ANKRD6: variants seen among roughly 807,000 people sequenced by gnomAD.
ANKRD6 encodes ankyrin repeat domain-containing protein 6.
In ANKRD6, 56 loss-of-function variants were observed where a neutral mutation model predicts 82.3. That is an observed-to-expected ratio of 0.68 (90% CI 0.55 to 0.85). The LOEUF (loss-of-function observed/expected upper bound fraction) is 0.85, where lower values mean the gene tolerates loss of function less well. Among genes scored for constraint, ANKRD6 ranks in the 40% least tolerant of loss-of-function variants. The pLI is 0.00. For synonymous variants in ANKRD6, 347 were observed against 352.1 expected, an observed-to-expected ratio of 0.99 and a Z score of 0.16; for missense variants, 852 against 907.6, an observed-to-expected ratio of 0.94 and a Z score of 0.79.
chr6:89,557,837 A>G (rs1187233589), intron 1 of ANKRD6, among the ~76,000 whole-genome samples: 1 of 152,028 alleles, frequency 6.6e-6, no homozygotes, highest in Non-Finnish European at 1.5e-5. Context: ...CTGCACATGT[A>G]AGGGATCTGG....
intron 1 of ANKRD6, among the ~76,000 whole-genome samples, chr6:89,545,655 C>T (rs1784998851): frequency 6.6e-6 from 1 of 152,108 alleles, no homozygotes; most frequent in African/African-American, 2.4e-5. Context: ...GTTTTTCAAA[C>T]CCCAAAAGAT....
chr6:89,616,545 C>G lies in ANKRD6; in HGVS notation c.616-14C>G, dbSNP rs1563087526. ...GAGCAGATGAGGTTTAGCAGACCTTCTAATCAATTCCAGGCTGGAGACACA... is the reference window on the plus strand; with the variant it reads ...GAGCAGATGAGGTTTAGCAGACCTTGTAATCAATTCCAGGCTGGAGACACA... On this transcript the variant is annotated splice_polypyrimidine_tract_variant and intron_variant, in intron 7 of 15. Coordinates refer to ENST00000339746, the MANE Select transcript of ANKRD6 (RefSeq NM_001242809.2). The G allele has an allele frequency of 6.2e-7, 1 of 1,613,762 alleles. No individual in the cohort carries two copies. Among genetic ancestry groups the G allele is most frequent in the Non-Finnish European group, 8.5e-7 (1 of 1,179,652 alleles).
At chr6:89,442,628 C>T (rs796563426) in intron 1 of ANKRD6, among the ~76,000 whole-genome samples, 21 of 124,028 alleles carry the variant, frequency 1.7e-4, no homozygotes, top group African/African-American at 6.5e-4. Context: ...CAGAGCAAAA[C>T]CCTGTCTCAA....
intron 6 of ANKRD6, among the ~76,000 whole-genome samples, chr6:89,613,062 T>C (rs1800621270): frequency 1.3e-5 from 2 of 152,220 alleles, no homozygotes; most frequent in African/African-American, 4.8e-5. Flanking sequence ...AAGTGGCCAG[T>C]GTTCTCCAGA....
At chr6:89,574,775 C>T (rs748332725) in intron 2 of ANKRD6, among the ~76,000 whole-genome samples, 10 of 152,208 alleles carry the variant, frequency 6.6e-5, no homozygotes, top group Non-Finnish European at 1.3e-4. Context: ...GACTCAAACC[C>T]TGGCCATGTG....
rs1771121005 is a variant in ANKRD6, at chr6:89,439,713, TTCCGAG to T, written c.-144+6339_-144+6344del. Reference sequence around the variant, plus strand: ...AATCCTAATTTTCTTTTTTTTCTTTTTCCGAGACAGGGTCTCATTCTGTCACCCAGG... The same window carrying T: ...AATCCTAATTTTCTTTTTTTTCTTTTACAGGGTCTCATTCTGTCACCCAGG... On this transcript the variant is annotated intron_variant, in intron 1 of 15. Coordinates refer to ENST00000339746, the MANE Select transcript of ANKRD6 (RefSeq NM_001242809.2). 2.6e-5 allele frequency among the ~76,000 whole-genome samples: 4 copies of T among 152,308 alleles called. No individual in the cohort carries two copies. The South Asian group carries it at 8.3e-4, about 32-fold the overall frequency.
At position 89,609,592 on chromosome 6, in the gene ANKRD6, G is replaced by A. The variant is rs188044994; in HGVS notation, c.418-2680G>A. On this transcript the variant is annotated intron_variant, in intron 5 of 15. Transcript: ENST00000339746. ...GCTGGGATTACAGGAGTGAGCCACC[G>A]AACCCGGCCTGTAATCACCACGTTT... Among the ~76,000 whole-genome samples the A allele has an allele frequency of 8.1e-3, 1,223 of 151,486 alleles. 8 individuals carry two copies. Among genetic ancestry groups the A allele is most frequent in the Non-Finnish European group, 0.014 (946 of 67,890 alleles).
At chr6:89,579,781 C>G (rs1204837568) in intron 2 of ANKRD6, among the ~76,000 whole-genome samples, 1 of 68,944 alleles carries the variant, frequency 1.5e-5, no homozygotes, top group South Asian at 4.6e-4. Context: ...AAAAAAAAGG[C>G]TAAATGAGAT....
chr6:89,536,302 T>A (rs1783822933), intron 1 of ANKRD6, among the ~76,000 whole-genome samples: 1 of 152,350 alleles, frequency 6.6e-6, no homozygotes, highest in South Asian at 2.1e-4. Flanking sequence ...ATTAGCACTC[T>A]TGCTGGGTCC....
At chr6:89,513,451 A>G (rs1780809261) in intron 1 of ANKRD6, among the ~76,000 whole-genome samples, 3 of 152,166 alleles carry the variant, frequency 2.0e-5, no homozygotes, top group South Asian at 4.1e-4. Flanking sequence ...TCTGAATTCT[A>G]TATAAGGAGA....
At chr6:89,542,448 T>G (rs1376201468) in intron 1 of ANKRD6, among the ~76,000 whole-genome samples, 2 of 152,184 alleles carry the variant, frequency 1.3e-5, no homozygotes, top group African/African-American at 4.8e-5. Flanking sequence ...CTATGCTTAT[T>G]TACATCTATG....
intron 4 of ANKRD6, among the ~76,000 whole-genome samples, chr6:89,605,537 C>A (rs1234991114): frequency 6.6e-6 from 1 of 152,170 alleles, no homozygotes; most frequent in Non-Finnish European, 1.5e-5. Flanking sequence ...ATCGATCAGG[C>A]CCCTGAATCT....
Position 89,600,727 on chromosome 6 carries a change from C to T in ANKRD6, c.220-2302C>T, listed in dbSNP as rs117129116. Among the ~76,000 whole-genome samples the T allele has an allele frequency of 6.7e-3, 1,020 of 152,192 alleles. 31 individuals are homozygous for T. Among genetic ancestry groups the T allele is most frequent in the East Asian group, 0.042 (218 of 5,172 alleles). ...GAAATGGGAAGTCTTGGAAATCTTA[C>T]GGAAATTTTAAAAAGTTGAGACGTG... is the stretch of plus-strand genomic sequence containing the variant. On this transcript the variant is annotated intron_variant, in intron 3 of 15. Coordinates refer to ENST00000339746, the MANE Select transcript of ANKRD6 (RefSeq NM_001242809.2).
At chr6:89,546,455 TGATTGATC>T (rs112018464) in intron 1 of ANKRD6, among the ~76,000 whole-genome samples, 50,745 of 151,354 alleles carry the variant, frequency 0.34, 8,735 homozygotes, top group African/African-American at 0.38. Flanking sequence ...GTGTGATGAT[TGATTGATC>T]GATTGATCGA....
At chr6:89,495,487 C>T (rs1455727857) in intron 1 of ANKRD6, among the ~76,000 whole-genome samples, 2 of 152,246 alleles carry the variant, frequency 1.3e-5, no homozygotes, top group East Asian at 1.9e-4. Flanking sequence ...CCTCTTTGCA[C>T]GTAGATGTCG....
At chr6:89,487,183 G>A (rs1777478391) in intron 1 of ANKRD6, among the ~76,000 whole-genome samples, 3 of 152,172 alleles carry the variant, frequency 2.0e-5, no homozygotes, top group African/African-American at 7.2e-5. Flanking sequence ...CCACATTGGT[G>A]TGTTCTGAGA....
chr6:89,582,248 G>C (rs1583461324), intron 2 of ANKRD6, among the ~76,000 whole-genome samples: 1 of 152,142 alleles, frequency 6.6e-6, no homozygotes, highest in African/African-American at 2.4e-5. Context: ...GTGGAGTCTT[G>C]CTATATTAAT....
intron 1 of ANKRD6, among the ~76,000 whole-genome samples, chr6:89,526,850 A>G (rs1782555148): frequency 1.3e-5 from 2 of 152,154 alleles, no homozygotes; most frequent in African/African-American, 4.8e-5. Flanking sequence ...GGCAGGAGAA[A>G]ATTCCCAGCT....
At chr6:89,476,016 A>G (rs554731144) in intron 1 of ANKRD6, among the ~76,000 whole-genome samples, 29 of 152,326 alleles carry the variant, frequency 1.9e-4, no homozygotes, top group Non-Finnish European at 4.0e-4. Context: ...GAACATTTTC[A>G]TAGGTACTTT....
Sources: gnomAD v4.1 joint callset for allele counts (sites outside exome capture counted in the v4.1 genomes callset) on GRCh38, gnomAD v4.1.1 for gene constraint, MANE v1.5 for transcripts, NCBI Gene and HGNC (gene_info 2026-07-23, HGNC 2026-07-21) for gene names.